Variants in KCNC1 observed in about 807,000 individuals in gnomAD.
The protein encoded by KCNC1 is voltage-gated potassium channel KCNC1.
A neutral mutation model predicts 43.4 loss-of-function variants in KCNC1; 8 were observed. That is an observed-to-expected ratio of 0.18 (90% CI 0.11 to 0.33). The LOEUF is 0.33. Among genes scored for constraint, KCNC1 ranks in the 10% least tolerant of loss-of-function variants. KCNC1 has a pLI of 1.00. For synonymous variants in KCNC1, 361 were observed against 360.5 expected (o/e 1.00, Z -0.01); for missense variants, 420 against 836.0 (o/e 0.50, Z 6.14).
At chr11:17,775,659 A>G (rs1849277150) in intron 2 of KCNC1, 2 of 985,568 alleles carry the variant, frequency 2.0e-6, no homozygotes, top group African/African-American at 1.7e-5. Context: ...CCGTCCTGCC[A>G]TGCCCATTCG....
intron 3 of KCNC1, chr11:17,780,601 G>A (rs1303130333): frequency 2.0e-5 from 3 of 152,440 alleles, no homozygotes; most frequent in Non-Finnish European, 4.4e-5. Flanking sequence ...TGCTGAACGG[G>A]GTGAGCAGGC....
rs556242582 is a variant in KCNC1, at chr11:17,738,614, CT to C, written c.570+2043del. The stretch of plus-strand genomic sequence containing the variant: ...GTGGGGCATGTTCCAACCCCCTCCC[CT>C]GGCCCTCTCCTCCCACTGGACATTC... On this transcript the variant is annotated intron_variant, in intron 1 of 3. Transcript: ENST00000265969. Among the ~76,000 whole-genome samples, 12 of 152,346 alleles carry C rather than the reference CT, an allele frequency of 7.9e-5. No homozygotes were observed. The East Asian group carries it at 2.3e-3, about 29-fold the overall frequency.
In KCNC1 at chr11:17,773,599, T is replaced by C. The variant is rs1183708864; in HGVS notation, c.1504+1001T>C. Reference sequence around the variant, plus strand: ...GGGCATGAAACAATACTAGTCACCGTGGGATATATTCTAATATTCCATGGC... The same window carrying C: ...GGGCATGAAACAATACTAGTCACCGCGGGATATATTCTAATATTCCATGGC... On this transcript the variant is annotated intron_variant, in intron 2 of 3. Coordinates refer to ENST00000265969, the MANE Select transcript of KCNC1 (RefSeq NM_001112741.2). This position sits in a 1 kb window ranked among gnomAD's most constrained non-coding sequence, Gnocchi z 4.1. The C allele has an allele frequency of 4.1e-6, 4 of 985,154 alleles. No individual in the cohort carries two copies. In the African/African-American group the frequency reaches 5.2e-5, roughly 13 times the overall value. 61.0% of individuals were successfully genotyped at this position (985,154 alleles called of 1,614,324 possible).
intron 1 of KCNC1, among the ~76,000 whole-genome samples, chr11:17,759,609 G>A (rs1849055844): frequency 6.6e-6 from 1 of 152,024 alleles, no homozygotes; most frequent in African/African-American, 2.4e-5. Flanking sequence ...ACCATTGTAG[G>A]GTTATTAATT....
At chr11:17,743,044 A>T (rs1848859727) in intron 1 of KCNC1, among the ~76,000 whole-genome samples, 1 of 151,978 alleles carries the variant, frequency 6.6e-6, no homozygotes, top group African/African-American at 2.4e-5. Flanking sequence ...ATTTTCCAGA[A>T]CCCCCTTCCT....
At position 17,772,479 on chromosome 11, in the gene KCNC1, G is replaced by A. The variant is rs200123434; in HGVS notation, c.1385G>A (p.Arg462Gln). The change falls in exon 2 of 4, where the codon CGG becomes CAG. Residue 462 changes from arginine to glutamine, a missense_variant. This residue lies in a region of KCNC1 where 147 missense variants were observed against 176.1 expected (regional missense o/e 0.83). Transcript: ENST00000265969. ...AAGAAAAAAAAGAAGCATATTCCGC[G>A]GCCACCGCAGCTGGGATCTCCCAAT... ...LPKKKKKHIPRPPQLGSPNYC... is the reference protein window; with the variant it reads ...LPKKKKKHIPQPPQLGSPNYC... The A allele has an allele frequency of 3.9e-5, 63 of 1,614,048 alleles. No individual in the cohort carries two copies. Among genetic ancestry groups the A allele is most frequent in the East Asian group, 2.2e-5 (1 of 44,900 alleles).
Position 17,781,805 on chromosome 11 carries a change from C to G in KCNC1, c.*71C>G. 1 of 1,067,942 alleles carries G rather than the reference C, an allele frequency of 9.4e-7. No homozygotes were observed. The highest frequency in any genetic ancestry group is 1.4e-6 in the Non-Finnish European group (1 of 708,842). The allele number at this position is 1,067,942 out of a possible 1,614,324, so 66.2% of individuals were successfully genotyped here. On this transcript the variant is annotated 3_prime_UTR_variant, in exon 4 of 4. Transcript: ENST00000265969. This position sits in a 1 kb window ranked among gnomAD's most constrained non-coding sequence, Gnocchi z 5.1. Reference sequence around the variant, plus strand: ...TGGACCTGCAGCCCCTCCTCACCCTCGGACAGAGTAAATTCACGCCATGCA... The same window carrying G: ...TGGACCTGCAGCCCCTCCTCACCCTGGGACAGAGTAAATTCACGCCATGCA...
Position 17,776,250 on chromosome 11 carries a change from T to G in KCNC1, c.1505-3206T>G, listed in dbSNP as rs1849285910. The G allele has an allele frequency of 2.0e-6, 2 of 985,480 alleles. No homozygotes were observed. The highest frequency in any genetic ancestry group is 2.4e-6 in the Non-Finnish European group (2 of 829,970). 61.0% of individuals were successfully genotyped at this position (985,480 alleles called of 1,614,324 possible). On this transcript the variant is annotated intron_variant, in intron 2 of 3. Coordinates refer to ENST00000265969, the MANE Select transcript of KCNC1 (RefSeq NM_001112741.2). This position sits in a 1 kb window ranked among gnomAD's most constrained non-coding sequence, Gnocchi z 4.4. ...TCTCTCCTCGTTTTGTTGCATGACTTGTGCCGGTTCTCGTGATTGTTCCCT... is the reference window on the plus strand; with the variant it reads ...TCTCTCCTCGTTTTGTTGCATGACTGGTGCCGGTTCTCGTGATTGTTCCCT...
intron 1 of KCNC1, among the ~76,000 whole-genome samples, chr11:17,767,232 C>T (rs1849161346): frequency 1.3e-5 from 2 of 149,950 alleles, no homozygotes; most frequent in Admixed American, 1.3e-4. Flanking sequence ...TTGCAGTGAG[C>T]CAAGATCACG....
At chr11:17,738,779 G>C (rs938623407) in intron 1 of KCNC1, among the ~76,000 whole-genome samples, 5 of 152,226 alleles carry the variant, frequency 3.3e-5, no homozygotes, top group Admixed American at 1.3e-4. Flanking sequence ...AGCGGACTCT[G>C]AGGGAAAAGC....
At chr11:17,759,312 A>T (rs975131539) in intron 1 of KCNC1, among the ~76,000 whole-genome samples, 1 of 152,220 alleles carries the variant, frequency 6.6e-6, no homozygotes, top group Admixed American at 6.5e-5. Flanking sequence ...GCTTAAGGGA[A>T]TGTTGTGGCT....
Position 17,781,736 on chromosome 11 carries a change from C to A in KCNC1, c.*2C>A, listed in dbSNP as rs1306212170. 1.3e-6 allele frequency: 2 copies of A among 1,550,710 alleles called. No homozygotes were observed. The highest frequency in any genetic ancestry group is 1.7e-4 in the Middle Eastern group (1 of 5,992). On this transcript the variant is annotated 3_prime_UTR_variant, in exon 4 of 4. Coordinates refer to ENST00000265969, the MANE Select transcript of KCNC1 (RefSeq NM_001112741.2). The surrounding 1 kb of genome is among the most constrained non-coding windows in gnomAD (Gnocchi z 5.1). ...ACAGAGGCTGTGAGAGTGACTTGAC[C>A]AGGCGGCTTGGCCGAGGACACTGGT...
intron 2 of KCNC1, chr11:17,775,281 T>TTCCCCCCCCCCCCCC: frequency 3.6e-5 from 34 of 935,730 alleles, no homozygotes; most frequent in Non-Finnish European, 4.1e-5. Context: ...TCTGAGGGCA[T>TTCCCCCCCCCCCCCC]CCCTCCCGCC....
At position 17,739,709 on chromosome 11, in the gene KCNC1, G is replaced by A. The variant is rs372073182; in HGVS notation, c.570+3137G>A. On this transcript the variant is annotated intron_variant, in intron 1 of 3. Transcript: ENST00000265969. The surrounding 1 kb of genome is among the most constrained non-coding windows in gnomAD (Gnocchi z 4.2). ...TGTGTGTGTGTGTGTGTGTACATGC[G>A]TGTACACATAAGGCAGGAGGCTGTG... Among the ~76,000 whole-genome samples, 30 of 151,718 alleles carry A rather than the reference G, an allele frequency of 2.0e-4. No individual in the cohort carries two copies. The highest frequency in any genetic ancestry group is 6.5e-4 in the African/African-American group (27 of 41,318).
chr11:17,780,622 G>A (rs1312617189), intron 3 of KCNC1: 2 of 152,478 alleles, frequency 1.3e-5, no homozygotes, highest in Non-Finnish European at 2.9e-5. Context: ...TGGGTCAGAA[G>A]AGGAGCTGGG....
chr11:17,757,317 G>A (rs930093144), intron 1 of KCNC1, among the ~76,000 whole-genome samples: 2 of 152,236 alleles, frequency 1.3e-5, no homozygotes, highest in African/African-American at 4.8e-5. Context: ...TGGCCTGCAG[G>A]AGGGATGTCT....
intron 2 of KCNC1, chr11:17,774,183 G>A (rs779238907): frequency 3.6e-5 from 35 of 985,384 alleles, no homozygotes; most frequent in Non-Finnish European, 4.1e-5. Flanking sequence ...AGGGGTCTCC[G>A]AGGCTGAAAC....
intron 1 of KCNC1, among the ~76,000 whole-genome samples, chr11:17,770,722 A>C (rs1387661231): frequency 1.3e-5 from 2 of 152,102 alleles, no homozygotes; most frequent in African/African-American, 2.4e-5. Context: ...GATCCTGGCC[A>C]TTTCCTTCTC....
intron 1 of KCNC1, among the ~76,000 whole-genome samples, chr11:17,757,526 C>T (rs1849035615): frequency 2.6e-5 from 4 of 152,130 alleles, no homozygotes; most frequent in Admixed American, 2.6e-4. Context: ...CGTGAACTTC[C>T]CATCACTGGT....
Sources: gnomAD v4.1 joint callset for allele counts (sites outside exome capture counted in the v4.1 genomes callset) on GRCh38, gnomAD v4.1.1 for gene constraint, gnomAD v4.1.1 regional missense constraint, Gnocchi (gnomAD v3.1) non-coding constraint, MANE v1.5 for transcripts, NCBI Gene and HGNC (gene_info 2026-07-23, HGNC 2026-07-21) for gene names.